Variants in CAMTA1 observed in about 807,000 individuals in gnomAD.
CAMTA1 encodes the protein calmodulin-binding transcription activator 1.
Under a neutral mutation model 170.9 loss-of-function variants are expected in CAMTA1, and 27 were observed. The ratio of observed to expected loss-of-function variants is 0.16; its 90% CI spans 0.12 to 0.22. The LOEUF is 0.22. CAMTA1 is among the 10% of genes least tolerant of loss of function. CAMTA1 has a pLI of 1.00. For missense variants in CAMTA1, 1,619 were observed against 2,217.2 expected (o/e 0.73, Z 5.42); for synonymous variants, 833 against 891.5 (o/e 0.93, Z 1.17).
In CAMTA1 at chr1:7,609,137, C is replaced by T. The variant is rs1434195092; in HGVS notation, c.511-31263C>T. Among the ~76,000 whole-genome samples, 2 of 152,178 alleles carry T rather than the reference C, an allele frequency of 1.3e-5. No homozygotes were observed. Among genetic ancestry groups the T allele is most frequent in the East Asian group, 1.9e-4 (1 of 5,146 alleles). ...AGGACATTCTGGCCCCTTCCCACTA[C>T]CGGCCTAGCCCTGCCGCCTGTGCCT... is the stretch of plus-strand genomic sequence containing the variant. On this transcript the variant is annotated intron_variant, in intron 6 of 22. Coordinates refer to ENST00000303635, the MANE Select transcript of CAMTA1 (RefSeq NM_015215.4). This position sits in a 1 kb window ranked among gnomAD's most constrained non-coding sequence, Gnocchi z 4.4.
At chr1:7,309,943 T>G (rs1676207787) in intron 5 of CAMTA1, among the ~76,000 whole-genome samples, 2 of 152,162 alleles carry the variant, frequency 1.3e-5, no homozygotes, top group Admixed American at 6.5e-5. Context: ...AAAAATATTT[T>G]AAACTACTTG....
At chr1:7,320,659 T>TG (rs1437744767) in intron 5 of CAMTA1, among the ~76,000 whole-genome samples, 5 of 149,174 alleles carry the variant, frequency 3.4e-5, no homozygotes, top group African/African-American at 9.9e-5. Context: ...GTTTTTTTTT[T>TG]TTTTTTTTTT....
chr1:7,425,687 T>C (rs1370629819), intron 5 of CAMTA1, among the ~76,000 whole-genome samples: 1 of 142,318 alleles, frequency 7.0e-6, no homozygotes, highest in East Asian at 2.1e-4. Flanking sequence ...ACGTCAGGCA[T>C]GGCTGCTACC....
At chr1:7,450,558 T>G (rs1261944738) in intron 5 of CAMTA1, among the ~76,000 whole-genome samples, 1 of 152,166 alleles carries the variant, frequency 6.6e-6, no homozygotes, top group Non-Finnish European at 1.5e-5. Context: ...TAACCACAGG[T>G]GCCCGGGGCT....
chr1:7,691,622 A>G (rs1224549698), intron 11 of CAMTA1, among the ~76,000 whole-genome samples: 1 of 152,174 alleles, frequency 6.6e-6, no homozygotes, highest in Admixed American at 6.5e-5. Flanking sequence ...GCTCCATGTC[A>G]TTCACCTTGG....
intron 6 of CAMTA1, among the ~76,000 whole-genome samples, chr1:7,556,763 G>C (rs1255556130): frequency 6.6e-6 from 1 of 152,034 alleles, no homozygotes; most frequent in South Asian, 2.1e-4. Flanking sequence ...AAGGATCCTC[G>C]AAGAACCAGC....
intron 5 of CAMTA1, among the ~76,000 whole-genome samples, chr1:7,320,170 T>G (rs190885050): frequency 1.2e-3 from 187 of 152,366 alleles, no homozygotes; most frequent in Non-Finnish European, 2.2e-3. Flanking sequence ...TTGTAGGCAT[T>G]CTTGTCTTGC....
chr1:6,949,202 G>T (rs1010318001), intron 3 of CAMTA1, among the ~76,000 whole-genome samples: 1 of 152,332 alleles, frequency 6.6e-6, no homozygotes, highest in South Asian at 2.1e-4. Context: ...GAGTGTTCCT[G>T]GGGGAAGTGG....
At chr1:6,790,178 GA>G (rs1283112207) in intron 1 of CAMTA1, among the ~76,000 whole-genome samples, 2 of 151,886 alleles carry the variant, frequency 1.3e-5, no homozygotes, top group East Asian at 1.9e-4. Flanking sequence ...GTCTTGCAAG[GA>G]ATTTTTTTTT....
Position 7,417,189 on chromosome 1 carries a change from G to C in CAMTA1, c.439-50641G>C, listed in dbSNP as rs1225229994. 5.3e-5 allele frequency among the ~76,000 whole-genome samples: 8 copies of C among 152,332 alleles called. No individual in the cohort carries two copies. The South Asian group carries it at 8.3e-4, about 16-fold the overall frequency. Reference sequence around the variant, plus strand: ...TGTGAGGTGTCAGTCTGCCCCTACTGGGGGGTGCCTCCCAGTTAGGCTGCT... The same window carrying C: ...TGTGAGGTGTCAGTCTGCCCCTACTCGGGGGTGCCTCCCAGTTAGGCTGCT... On this transcript the variant is annotated intron_variant, in intron 5 of 22. Transcript: ENST00000303635.
At chr1:7,126,773 T>A (rs1228332358) in intron 4 of CAMTA1, among the ~76,000 whole-genome samples, 1 of 152,140 alleles carries the variant, frequency 6.6e-6, no homozygotes, top group Non-Finnish European at 1.5e-5. Flanking sequence ...CTGCCATTTC[T>A]TTTTTATGTT....
intron 3 of CAMTA1, among the ~76,000 whole-genome samples, chr1:7,031,350 T>C (rs1702774092): frequency 6.6e-6 from 1 of 152,232 alleles, no homozygotes; most frequent in Non-Finnish European, 1.5e-5. Flanking sequence ...TTATCTGTAG[T>C]AGTATTTTTT....
rs1379592527 is a variant in CAMTA1, at chr1:7,603,471, TA to T, written c.511-36926del. ...TTGTCTCTTTTGATCTTTGTTGGTT[TA>T]AAGTCTGTTTTATCAGAGACTAGGA... On this transcript the variant is annotated intron_variant, in intron 6 of 22. Coordinates refer to ENST00000303635, the MANE Select transcript of CAMTA1 (RefSeq NM_015215.4). Among the ~76,000 whole-genome samples, 3 of 152,238 alleles carry T rather than the reference TA, an allele frequency of 2.0e-5. No individual in the cohort carries two copies. The East Asian group carries it at 5.8e-4, about 29-fold the overall frequency.
intron 5 of CAMTA1, among the ~76,000 whole-genome samples, chr1:7,393,592 T>A (rs571397351): frequency 3.3e-4 from 50 of 152,308 alleles, no homozygotes; most frequent in African/African-American, 1.1e-3. Flanking sequence ...AGGATAATTG[T>A]ACATGTTTAT....
At chr1:7,502,583 G>T (rs994520739) in intron 6 of CAMTA1, among the ~76,000 whole-genome samples, 16 of 152,210 alleles carry the variant, frequency 1.1e-4, no homozygotes, top group African/African-American at 3.4e-4. Context: ...TTCAGCCCCC[G>T]GCTTTCCCAA....
rs1358230641 is a variant in CAMTA1 at position 7,146,816 on chromosome 1, C to T, written c.302+55445C>T. The stretch of plus-strand genomic sequence containing the variant: ...ATACCACACAAATATACACCATGTG[C>T]ACACACACCACACACACATATACCA... On this transcript the variant is annotated intron_variant, in intron 4 of 22. Coordinates refer to ENST00000303635, the MANE Select transcript of CAMTA1 (RefSeq NM_015215.4). The surrounding 1 kb of genome is among the most constrained non-coding windows in gnomAD (Gnocchi z 4.3). Among the ~76,000 whole-genome samples the T allele has an allele frequency of 6.6e-6, 1 of 151,414 alleles. No individual in the cohort carries two copies. The highest frequency in any genetic ancestry group is 1.5e-5 in the Non-Finnish European group (1 of 67,888).
At chr1:7,226,650 G>A (rs980689057) in intron 4 of CAMTA1, among the ~76,000 whole-genome samples, 1 of 151,936 alleles carries the variant, frequency 6.6e-6, no homozygotes, top group Non-Finnish European at 1.5e-5. Flanking sequence ...TAGGTGCTGG[G>A]TAAGTGAAGA....
intron 20 of CAMTA1, 121 bp from the exon 21 acceptor site, chr1:7,752,338 A>T: frequency 1.3e-6 from 1 of 792,730 alleles, no homozygotes; most frequent in Non-Finnish European, 2.2e-6. Context: ...CATCTTTAAC[A>T]TATGCTGTTG....
In CAMTA1 at chr1:7,339,984, G is replaced by C. The variant is rs1050638473; in HGVS notation, c.438+90358G>C. ...AAACAGACATTCAGAACCTGACCCA[G>C]GGTCCCATAGCCAATGATAGGGCCC... is the stretch of plus-strand genomic sequence containing the variant. On this transcript the variant is annotated intron_variant, in intron 5 of 22. Coordinates refer to ENST00000303635, the MANE Select transcript of CAMTA1 (RefSeq NM_015215.4). 3.3e-5 allele frequency among the ~76,000 whole-genome samples: 5 copies of C among 152,102 alleles called. No individual in the cohort carries two copies. In the South Asian group the frequency reaches 1.0e-3, roughly 32 times the overall value.
Sources: gnomAD v4.1 joint callset for allele counts (sites outside exome capture counted in the v4.1 genomes callset) on GRCh38, gnomAD v4.1.1 for gene constraint, Gnocchi (gnomAD v3.1) non-coding constraint, MANE v1.5 for transcripts, NCBI Gene and HGNC (gene_info 2026-07-23, HGNC 2026-07-21) for gene names.